Variants in DMP1 observed in about 807,000 individuals in gnomAD.
The protein encoded by DMP1 is dentin matrix acidic phosphoprotein 1, also known as dentin matrix protein 1.
A neutral mutation model predicts 14.6 loss-of-function variants in DMP1; 20 were observed. The observed-to-expected ratio is 1.37, with a 90% CI of 0.96 to 1.99. The LOEUF is 1.99. Ranked by LOEUF, DMP1 falls within the 30% of genes most tolerant of loss-of-function variation. The pLI is 0.00. For synonymous variants in DMP1, 197 were observed against 215.3 expected (o/e 0.91, Z 0.75); for missense variants, 567 against 620.5 (o/e 0.91, Z 0.92).
rs1474615626 is a variant in DMP1 at position 87,663,875 on chromosome 4, A to C, written c.*555A>C. The C allele has an allele frequency of 6.1e-6, 1 of 163,270 alleles. No individual in the cohort carries two copies. The highest frequency in any genetic ancestry group is 1.4e-5 in the Non-Finnish European group (1 of 73,838). 10.1% of individuals were successfully genotyped at this position (163,270 alleles called of 1,614,324 possible). A position where few individuals can be genotyped will look rare whatever the true frequency, so the allele number is the denominator to read the frequency against. Reference sequence around the variant, plus strand: ...GGAGAACGAGGGAGGGCTTCATAGCAGAAGACATTGGAGTTGGAAGGTTGC... The same window carrying C: ...GGAGAACGAGGGAGGGCTTCATAGCCGAAGACATTGGAGTTGGAAGGTTGC... On this transcript the variant is annotated 3_prime_UTR_variant, in exon 6 of 6. Coordinates refer to ENST00000339673, the MANE Select transcript of DMP1 (RefSeq NM_004407.4).
Position 87,653,386 on chromosome 4 carries a change from G to GAT in DMP1, c.-21-3040_-21-3039dup, listed in dbSNP as rs57266829. On this transcript the variant is annotated intron_variant, in intron 1 of 5. Transcript: ENST00000339673. ...TCAGCATATTCAGGCATTATCGAGT[G>GAT]ATATATATATATATATATATATATA... Among the ~76,000 whole-genome samples, 284 of 57,710 alleles carry GAT rather than the reference G, an allele frequency of 4.9e-3. 6 individuals are homozygous for GAT. Among genetic ancestry groups the GAT allele is most frequent in the Non-Finnish European group, 6.0e-3 (165 of 27,422 alleles). The allele number at this position is 57,710 out of a possible 152,430, so 37.9% of individuals were successfully genotyped here.
intron 1 of DMP1, among the ~76,000 whole-genome samples, chr4:87,651,217 C>G (rs533210798): frequency 1.3e-5 from 2 of 152,004 alleles, no homozygotes; most frequent in Admixed American, 6.6e-5. Flanking sequence ...TTTAAAAATG[C>G]GAACAAACTA....
intron 5 of DMP1, among the ~76,000 whole-genome samples, chr4:87,661,651 T>TTTG (rs942215682): frequency 2.0e-5 from 3 of 150,986 alleles, no homozygotes; most frequent in African/African-American, 7.3e-5. Context: ...CCAAGAGTTT[T>TTTG]TTTTTTTTTT....
intron 1 of DMP1, among the ~76,000 whole-genome samples, chr4:87,654,321 CA>C (rs796478303): frequency 1.2e-4 from 18 of 152,028 alleles, no homozygotes; most frequent in African/African-American, 4.3e-4. Context: ...TGGTTAGTCT[CA>C]GGGGAGAATG....
intron 1 of DMP1, among the ~76,000 whole-genome samples, chr4:87,655,845 T>A (rs1219837742): frequency 6.6e-6 from 1 of 152,170 alleles, no homozygotes; most frequent in Admixed American, 6.5e-5. Context: ...AATTTCTATA[T>A]TCCTCTTTCT....
chr4:87,663,035 G>GGA lies in DMP1; in HGVS notation c.1259_1260dup (p.Glu423LeufsTer60). 1.9e-6 allele frequency: 3 copies of GGA among 1,614,118 alleles called. No individual in the cohort carries two copies. The highest frequency in any genetic ancestry group is 2.5e-6 in the Non-Finnish European group (3 of 1,179,998). On this transcript the variant is annotated frameshift_variant, in exon 6 of 6. Transcript: ENST00000339673. LOFTEE classifies it high-confidence loss of function. ...GCCTCAACTTCTCAGAGGAAAGCCCGGAGTCCCCTGAGGATGAGAACAGCT... is the reference window on the plus strand; with the variant it reads ...GCCTCAACTTCTCAGAGGAAAGCCCGGAGAGTCCCCTGAGGATGAGAACAGCT...
chr4:87,651,215 T>C (rs1054498255), intron 1 of DMP1, among the ~76,000 whole-genome samples: 2 of 152,166 alleles, frequency 1.3e-5, no homozygotes, highest in African/African-American at 4.8e-5. Context: ...TGTTTAAAAA[T>C]GCGAACAAAC....
At chr4:87,654,707 A>G (rs1382577579) in intron 1 of DMP1, among the ~76,000 whole-genome samples, 1 of 152,196 alleles carries the variant, frequency 6.6e-6, no homozygotes, top group Non-Finnish European at 1.5e-5. Context: ...CCCACATTTT[A>G]TATGTGAAAG....
chr4:87,662,822 T>C lies in DMP1; in HGVS notation c.1044T>C (p.Ser348=), dbSNP rs1273614685. The change falls in exon 6 of 6, where the codon TCT becomes TCC. Residue 348 remains serine (S), a synonymous_variant. Coordinates refer to ENST00000339673, the MANE Select transcript of DMP1 (RefSeq NM_004407.4). ...CCAGCCAAGAGGCCAACCTGTCATC[T>C]CAAGAGAACAGCAGTGAGTCTCAGG... ...SESSQEANLS[S]QENSSESQEE... 1 of 1,612,640 alleles carries C rather than the reference T, an allele frequency of 6.2e-7. No homozygotes were observed. Among genetic ancestry groups the C allele is most frequent in the Non-Finnish European group, 8.5e-7 (1 of 1,178,878 alleles).
intron 1 of DMP1, among the ~76,000 whole-genome samples, chr4:87,652,233 T>C (rs546829008): frequency 3.9e-5 from 6 of 152,290 alleles, no homozygotes; most frequent in African/African-American, 1.4e-4. Flanking sequence ...TTCTGGACTT[T>C]TAATTGCAGG....
At chr4:87,660,007 T>C (rs1291088241) in intron 5 of DMP1, among the ~76,000 whole-genome samples, 1 of 152,226 alleles carries the variant, frequency 6.6e-6, no homozygotes, top group Non-Finnish European at 1.5e-5. Context: ...AAAGGCAGAC[T>C]CAGTTTATAT....
At position 87,663,479 on chromosome 4, in the gene DMP1, T is replaced by A. The variant is rs865870083; in HGVS notation, c.*159T>A. Reference sequence around the variant, plus strand: ...CTGGACATTACACTTGTTTTTAGGGTGTCATCATTTCACAGAGGTTTAAAT... The same window carrying A: ...CTGGACATTACACTTGTTTTTAGGGAGTCATCATTTCACAGAGGTTTAAAT... On this transcript the variant is annotated 3_prime_UTR_variant, in exon 6 of 6. Coordinates refer to ENST00000339673, the MANE Select transcript of DMP1 (RefSeq NM_004407.4). 1.5e-4 allele frequency: 160 copies of A among 1,079,080 alleles called. 1 individual carries two copies. The highest frequency in any genetic ancestry group is 1.4e-3 in the Admixed American group (68 of 48,964). 66.8% of individuals were successfully genotyped at this position (1,079,080 alleles called of 1,614,324 possible).
At chr4:87,658,298 G>A (rs1042128472) in intron 3 of DMP1, among the ~76,000 whole-genome samples, 1 of 152,222 alleles carries the variant, frequency 6.6e-6, no homozygotes, top group African/African-American at 2.4e-5. Flanking sequence ...GCTCCTCCCT[G>A]CTCTACTTTG....
intron 5 of DMP1, among the ~76,000 whole-genome samples, chr4:87,660,290 A>T (rs1225649552): frequency 1.3e-5 from 2 of 152,174 alleles, no homozygotes; most frequent in Non-Finnish European, 2.9e-5. Flanking sequence ...TTTGCTGGGG[A>T]CTTTGTGATT....
intron 2 of DMP1, 63 bp from the exon 3 acceptor site, chr4:87,656,969 G>C (rs1728716107): frequency 9.9e-7 from 1 of 1,010,192 alleles, no homozygotes; most frequent in African/African-American, 1.6e-5. Context: ...TGTATGAAAT[G>C]TGTTAATAAC....
chr4:87,658,451 T>A (rs1316844251), intron 3 of DMP1, among the ~76,000 whole-genome samples: 1 of 152,264 alleles, frequency 6.6e-6, no homozygotes, highest in Non-Finnish European at 1.5e-5. Context: ...GTATGACTAG[T>A]TAAATTTCTG....
At chr4:87,661,397 A>G (rs1427086954) in intron 5 of DMP1, among the ~76,000 whole-genome samples, 28 of 148,372 alleles carry the variant, frequency 1.9e-4, no homozygotes, top group South Asian at 2.2e-4. Flanking sequence ...AATTTTTTGT[A>G]TTTTTTAGTA....
intron 1 of DMP1, among the ~76,000 whole-genome samples, chr4:87,651,720 G>A (rs1728534891): frequency 6.6e-6 from 1 of 151,974 alleles, no homozygotes; most frequent in African/African-American, 2.4e-5. Flanking sequence ...CACATTGCAT[G>A]TTCATAAATA....
In DMP1 at chr4:87,663,541, A is replaced by G. The variant is rs559940485; in HGVS notation, c.*221A>G. 1.6e-6 allele frequency: 1 copy of G among 629,648 alleles called. No individual in the cohort carries two copies. The highest frequency in any genetic ancestry group is 1.8e-5 in the African/African-American group (1 of 54,460). 39.0% of individuals were successfully genotyped at this position (629,648 alleles called of 1,614,324 possible). On this transcript the variant is annotated 3_prime_UTR_variant, in exon 6 of 6. Transcript: ENST00000339673. Reference sequence around the variant, plus strand: ...ACACCAGAACACAGCCAAAGAGGCTAGAAGCAAGAAAGGATCTGCATGATA... The same window carrying G: ...ACACCAGAACACAGCCAAAGAGGCTGGAAGCAAGAAAGGATCTGCATGATA...
Sources: gnomAD v4.1 joint callset for allele counts (sites outside exome capture counted in the v4.1 genomes callset) on GRCh38, gnomAD v4.1.1 for gene constraint, MANE v1.5 for transcripts, NCBI Gene and HGNC (gene_info 2026-07-23, HGNC 2026-07-21) for gene names.